ANKIB1: variants seen among roughly 807,000 people sequenced by gnomAD.
ANKIB1 encodes the protein ankyrin repeat and IBR domain-containing protein 1.
ANKIB1 carries 43 observed loss-of-function variants against 122.1 expected under a neutral mutation model. The observed-to-expected ratio is 0.35, with a 90% CI of 0.28 to 0.45. The LOEUF is 0.45. Ranked by LOEUF, ANKIB1 falls within the 20% of genes least tolerant of loss-of-function variation. ANKIB1 has a pLI of 1.00. For missense variants in ANKIB1, 992 were observed against 1,329.5 expected, an observed-to-expected ratio of 0.75 and a Z score of 3.95; for synonymous variants, 390 against 442.0, an observed-to-expected ratio of 0.88 and a Z score of 1.48.
At chr7:92,352,903 TAAAC>T (rs1251931447) in intron 9 of ANKIB1, among the ~76,000 whole-genome samples, 2 of 152,192 alleles carry the variant, frequency 1.3e-5, no homozygotes, top group Non-Finnish European at 2.9e-5. Context: ...ATTTTACAGA[TAAAC>T]AAACTCAGGC....
chr7:92,317,891 A>G (rs1802826491), intron 3 of ANKIB1, among the ~76,000 whole-genome samples: 1 of 152,230 alleles, frequency 6.6e-6, no homozygotes, highest in Non-Finnish European at 1.5e-5. Context: ...AAGTGTTAAC[A>G]TTTAGATCAT....
chr7:92,371,531 C>G lies in ANKIB1; in HGVS notation c.1541C>G (p.Thr514Ser). 6.2e-7 allele frequency: 1 copy of G among 1,606,382 alleles called. No individual in the cohort carries two copies. Among genetic ancestry groups the G allele is most frequent in the Non-Finnish European group, 8.5e-7 (1 of 1,176,096 alleles). Residue 514 changes from threonine (T) to serine (S), a missense_variant, in exon 11 of 20, where the codon ACT (threonine) becomes AGT (serine). Thr to Ser is a moderately conservative substitution (Grantham distance 58). This residue lies in a region of ANKIB1 where 521 missense variants were observed against 777.7 expected (regional missense o/e 0.67). Coordinates refer to ENST00000265742, the MANE Select transcript of ANKIB1 (RefSeq NM_019004.2). The stretch of plus-strand genomic sequence containing the variant: ...GCCGCCAATTGTCTCTGGTTATTAA[C>G]TAACTCCAAGCCTTGTGCCAACTGT... ...EDAANCLWLL[T>S]NSKPCANCKS... is the part of the protein sequence containing the mutation.
At chr7:92,294,364 A>G (rs1398648464) in intron 1 of ANKIB1, 2 of 152,220 alleles carry the variant, frequency 1.3e-5, no homozygotes, top group African/African-American at 4.8e-5. Context: ...TGAATTGTGT[A>G]TTCCTGTATG....
chr7:92,394,745 G>A (rs1804851430), intron 17 of ANKIB1, among the ~76,000 whole-genome samples: 1 of 152,088 alleles, frequency 6.6e-6, no homozygotes, highest in African/African-American at 2.4e-5. Flanking sequence ...TAGGAGAAGA[G>A]GAAATGATGT....
At chr7:92,317,902 A>T (rs2131947087) in intron 3 of ANKIB1, among the ~76,000 whole-genome samples, 1 of 152,206 alleles carries the variant, frequency 6.6e-6, no homozygotes, top group East Asian at 1.9e-4. Context: ...TTTAGATCAT[A>T]AGTAAGAGTC....
Position 92,369,836 on chromosome 7 carries a change from C to G in ANKIB1, c.1487-1641C>G, listed in dbSNP as rs376303703. 2.0e-4 allele frequency among the ~76,000 whole-genome samples: 31 copies of G among 152,254 alleles called. No homozygotes were observed. The East Asian group carries it at 4.8e-3, about 24-fold the overall frequency. On this transcript the variant is annotated intron_variant, in intron 10 of 19. Coordinates refer to ENST00000265742, the MANE Select transcript of ANKIB1 (RefSeq NM_019004.2). ...CAAAACCAACTTGATTGCTGACATT[C>G]TTGCAGGAAAAAAATTTTTAATCAT...
Position 92,294,873 on chromosome 7 carries a change from A to T in ANKIB1, c.-90-16A>T. On this transcript the variant is annotated splice_polypyrimidine_tract_variant and intron_variant, in intron 1 of 19. Coordinates refer to ENST00000265742, the MANE Select transcript of ANKIB1 (RefSeq NM_019004.2). ...ATTGTTTTACAATCTAATTTGAATA[A>T]CTTTTCCTTCATTAGAATGTGAAAG... 1.3e-6 allele frequency: 1 copy of T among 758,074 alleles called. No homozygotes were observed. The highest frequency in any genetic ancestry group is 2.8e-5 in the East Asian group (1 of 35,600). 47.0% of individuals were successfully genotyped at this position (758,074 alleles called of 1,614,324 possible).
intron 1 of ANKIB1, among the ~76,000 whole-genome samples, chr7:92,254,640 T>C (rs938001443): frequency 6.6e-6 from 1 of 152,234 alleles, no homozygotes; most frequent in African/African-American, 2.4e-5. Flanking sequence ...GTTCTGTGAA[T>C]TGCTTATTCA....
chr7:92,268,436 A>G (rs1457167611), intron 1 of ANKIB1, among the ~76,000 whole-genome samples: 2 of 152,212 alleles, frequency 1.3e-5, no homozygotes, highest in Admixed American at 1.3e-4. Context: ...TGAAGCGATC[A>G]TGTTATAAAA....
chr7:92,259,554 C>T (rs1456261222), intron 1 of ANKIB1, among the ~76,000 whole-genome samples: 1 of 152,126 alleles, frequency 6.6e-6, no homozygotes, highest in Non-Finnish European at 1.5e-5. Context: ...AGGAAATTAT[C>T]AGGGGATTTA....
intron 11 of ANKIB1, among the ~76,000 whole-genome samples, chr7:92,374,607 T>C (rs555761579): frequency 3.2e-4 from 48 of 152,090 alleles, no homozygotes; most frequent in African/African-American, 1.0e-3. Flanking sequence ...GTAATGAAAA[T>C]ACTACTTAAC....
chr7:92,321,108 T>A (rs1008236534), intron 4 of ANKIB1, among the ~76,000 whole-genome samples: 2 of 152,068 alleles, frequency 1.3e-5, no homozygotes, highest in Non-Finnish European at 2.9e-5. Flanking sequence ...TTATTTTAAT[T>A]TTTAAATTTT....
Position 92,340,380 on chromosome 7 carries a change from T to C in ANKIB1, c.788-2644T>C, listed in dbSNP as rs1473759351. Among the ~76,000 whole-genome samples the C allele has an allele frequency of 3.3e-5, 5 of 152,190 alleles. No individual in the cohort carries two copies. In the East Asian group the frequency reaches 5.8e-4, roughly 18 times the overall value. Reference sequence around the variant, plus strand: ...TGGCACTTGTTCAAATCTAGACAAATAGACCATTGAAACAGAATAGTAAAT... The same window carrying C: ...TGGCACTTGTTCAAATCTAGACAAACAGACCATTGAAACAGAATAGTAAAT... On this transcript the variant is annotated intron_variant, in intron 5 of 19. Coordinates refer to ENST00000265742, the MANE Select transcript of ANKIB1 (RefSeq NM_019004.2).
chr7:92,298,565 A>C (rs1802400530), intron 2 of ANKIB1, among the ~76,000 whole-genome samples: 1 of 152,004 alleles, frequency 6.6e-6, no homozygotes, highest in Admixed American at 6.5e-5. Flanking sequence ...CTGGATCCAG[A>C]GACTCTTTCA....
At chr7:92,302,280 C>G (rs1802472946) in intron 2 of ANKIB1, among the ~76,000 whole-genome samples, 1 of 152,104 alleles carries the variant, frequency 6.6e-6, no homozygotes, top group Non-Finnish European at 1.5e-5. Context: ...GGTAGATATT[C>G]CTAGTCACGG....
chr7:92,318,408 C>T (rs572173397), intron 3 of ANKIB1, among the ~76,000 whole-genome samples: 4 of 152,078 alleles, frequency 2.6e-5, no homozygotes, highest in African/African-American at 4.8e-5. Context: ...CCCAGCTACT[C>T]GGGAGGCTGA....
rs34318038 is a variant in ANKIB1 at position 92,370,508 on chromosome 7, CAAAAAAAAAAAAA to C, written c.1487-949_1487-937del. 8.8e-4 allele frequency among the ~76,000 whole-genome samples: 29 copies of C among 32,984 alleles called. 1 individual carries two copies. The highest frequency in any genetic ancestry group is 1.5e-3 in the Non-Finnish European group (20 of 13,308). The allele number at this position is 32,984 out of a possible 152,430, so 21.6% of individuals were successfully genotyped here. ...GGGTGACAGAGCAAGACTCTTGTCT[CAAAAAAAAAAAAA>C]AAAAAAAAAAAAAAAAAAAGTTGGT... On this transcript the variant is annotated intron_variant, in intron 10 of 19. Transcript: ENST00000265742.
At chr7:92,341,485 CGTT>C (rs1237168809) in intron 5 of ANKIB1, among the ~76,000 whole-genome samples, 1 of 149,512 alleles carries the variant, frequency 6.7e-6, no homozygotes, top group South Asian at 2.1e-4. Flanking sequence ...ATTGCAACCT[CGTT>C]GTGGCAAAAA....
intron 2 of ANKIB1, among the ~76,000 whole-genome samples, chr7:92,295,832 A>T (rs1489314618): frequency 6.6e-6 from 1 of 152,214 alleles, no homozygotes; most frequent in Non-Finnish European, 1.5e-5. Context: ...ACCTAATCAC[A>T]TGGGAATTAC....
Sources: gnomAD v4.1 joint callset for allele counts (sites outside exome capture counted in the v4.1 genomes callset) on GRCh38, gnomAD v4.1.1 for gene constraint, gnomAD v4.1.1 regional missense constraint, MANE v1.5 for transcripts, NCBI Gene and HGNC (gene_info 2026-07-23, HGNC 2026-07-21) for gene names.